The following DAB1 variants were observed in gnomAD, a reference collection of about 807,000 sequenced individuals.
The protein encoded by DAB1 is disabled homolog 1.
Under a neutral mutation model 64.6 loss-of-function variants are expected in DAB1, and 15 were observed. The observed-to-expected ratio is 0.23, with a 90% CI of 0.16 to 0.36. The LOEUF is 0.36. Among genes scored for constraint, DAB1 ranks in the 10% least tolerant of loss-of-function variants. The pLI, the probability that DAB1 is intolerant of heterozygous loss-of-function variation, is 1.00. For synonymous variants in DAB1, 235 were observed against 251.9 expected (o/e 0.93, Z 0.64); for missense variants, 596 against 706.7 (o/e 0.84, Z 1.78).
At chr1:57,890,303 T>C (rs745636897) in intron 5 of DAB1, among the ~76,000 whole-genome samples, 6 of 152,114 alleles carry the variant, frequency 3.9e-5, no homozygotes, top group Non-Finnish European at 7.4e-5. Context: ...GGAACGTGCA[T>C]GTGGATAAAT....
At chr1:57,902,851 T>A (rs1177264651) in intron 5 of DAB1, among the ~76,000 whole-genome samples, 1 of 152,170 alleles carries the variant, frequency 6.6e-6, no homozygotes, top group African/African-American at 2.4e-5. Flanking sequence ...CAACTTTTAA[T>A]ACAATAATGT....
chr1:57,121,637 C>G (rs1203811212), intron 4 of DAB1, among the ~76,000 whole-genome samples: 1 of 152,084 alleles, frequency 6.6e-6, no homozygotes, highest in African/African-American at 2.4e-5. Flanking sequence ...TTTGCCTATG[C>G]CTATGTCCTG....
intron 3 of DAB1, among the ~76,000 whole-genome samples, chr1:58,373,085 C>T (rs1056447818): frequency 6.6e-6 from 1 of 151,770 alleles, no homozygotes; most frequent in African/African-American, 2.4e-5. Context: ...TTGTAGTTCT[C>T]CGTATTTCTA....
At chr1:57,893,312 G>A (rs914347651) in intron 5 of DAB1, among the ~76,000 whole-genome samples, 1 of 152,078 alleles carries the variant, frequency 6.6e-6, no homozygotes, top group Admixed American at 6.6e-5. Flanking sequence ...GTCAGAGGCT[G>A]GCTTTATTTT....
intron 5 of DAB1, among the ~76,000 whole-genome samples, chr1:58,005,238 GC>G (rs1482929989): frequency 1.3e-5 from 2 of 152,070 alleles, no homozygotes. Context: ...ATGCCCATGT[GC>G]TTTTAACCTG....
At chr1:57,692,448 G>A (rs1570742784) in intron 6 of DAB1, among the ~76,000 whole-genome samples, 4 of 152,164 alleles carry the variant, frequency 2.6e-5, no homozygotes, top group East Asian at 1.9e-4. Flanking sequence ...GAGACAGAAC[G>A]AGGAAGAGAT....
chr1:57,819,514 G>T (rs551747131), intron 6 of DAB1, among the ~76,000 whole-genome samples: 2 of 152,176 alleles, frequency 1.3e-5, no homozygotes, highest in Non-Finnish European at 2.9e-5. Flanking sequence ...AATGATAGTA[G>T]CTAGAGCTAA....
intron 2 of DAB1, among the ~76,000 whole-genome samples, chr1:57,147,456 C>T (rs189064569): frequency 1.3e-5 from 2 of 152,144 alleles, no homozygotes; most frequent in East Asian, 3.9e-4. Flanking sequence ...TTCCATGACA[C>T]CCCTGCTGAC....
At chr1:58,529,432 C>T (rs1646399476) in intron 1 of DAB1, among the ~76,000 whole-genome samples, 1 of 152,178 alleles carries the variant, frequency 6.6e-6, no homozygotes, top group African/African-American at 2.4e-5. Flanking sequence ...TTCAGTATTA[C>T]AGTGTTTTGG....
intron 7 of DAB1, among the ~76,000 whole-genome samples, chr1:57,612,460 G>T (rs1308311208): frequency 6.6e-6 from 1 of 152,112 alleles, no homozygotes; most frequent in Non-Finnish European, 1.5e-5. Flanking sequence ...AAAGGGAGAT[G>T]CAGGATCAGA....
intron 4 of DAB1, among the ~76,000 whole-genome samples, chr1:58,286,194 G>A (rs587336): frequency 0.95 from 144,223 of 152,268 alleles, 68,310 homozygotes; most frequent in East Asian, 0.98. Flanking sequence ...TCAATGTAAA[G>A]CCCAAAACTA....
intron 6 of DAB1, among the ~76,000 whole-genome samples, chr1:57,797,982 C>A (rs770104299): frequency 6.6e-5 from 10 of 152,136 alleles, no homozygotes; most frequent in Non-Finnish European, 1.3e-4. Context: ...GTGGTTAAAA[C>A]CTTTATGGGG....
rs571242411 is a variant in DAB1, at chr1:58,092,089, C to G, written n.387+58422G>C. On this transcript the variant is annotated intron_variant and non_coding_transcript_variant, in intron 5 of 20. Coordinates refer to the DAB1 transcript ENST00000485760. The stretch of plus-strand genomic sequence containing the variant: ...CGATGGCTCACACCTGTAATGCCAG[C>G]ACTTTGGGTGGCGCAGGCGGGTGGA... Among the ~76,000 whole-genome samples the G allele has an allele frequency of 4.6e-5, 7 of 152,146 alleles. No homozygotes were observed. In the South Asian group the frequency reaches 1.5e-3, roughly 32 times the overall value.
chr1:57,699,874 C>G (rs1313386889), intron 6 of DAB1, among the ~76,000 whole-genome samples: 1 of 152,118 alleles, frequency 6.6e-6, no homozygotes, highest in South Asian at 2.1e-4. Flanking sequence ...GATCACACCA[C>G]TACACTCCAG....
At chr1:57,455,689 C>G (rs1232644010) in intron 7 of DAB1, among the ~76,000 whole-genome samples, 1 of 152,032 alleles carries the variant, frequency 6.6e-6, no homozygotes, top group Non-Finnish European at 1.5e-5. Context: ...GGTGCCGTAG[C>G]CAGCTAAATT....
chr1:58,510,396 C>T (rs992207514), intron 2 of DAB1, among the ~76,000 whole-genome samples: 1 of 151,966 alleles, frequency 6.6e-6, no homozygotes, highest in African/African-American at 2.4e-5. Context: ...TCAATAGATG[C>T]AGAAAAAGCA....
chr1:57,698,906 A>T (rs1389802402), intron 6 of DAB1, among the ~76,000 whole-genome samples: 1 of 152,196 alleles, frequency 6.6e-6, no homozygotes, highest in Non-Finnish European at 1.5e-5. Flanking sequence ...AACTACTGGC[A>T]TGCTTTCCAT....
intron 6 of DAB1, among the ~76,000 whole-genome samples, chr1:57,682,212 T>C (rs1272223667): frequency 1.3e-5 from 2 of 151,402 alleles, no homozygotes; most frequent in African/African-American, 4.9e-5. Flanking sequence ...CAAGAACATA[T>C]TGCAACCATT....
At chr1:57,710,010 G>C (rs1647009631) in intron 6 of DAB1, among the ~76,000 whole-genome samples, 1 of 151,978 alleles carries the variant, frequency 6.6e-6, no homozygotes, top group African/African-American at 2.4e-5. Context: ...AATGATTTGG[G>C]GGCTGCTTTT....
Sources: gnomAD v4.1 joint callset for allele counts (sites outside exome capture counted in the v4.1 genomes callset) on GRCh38, gnomAD v4.1.1 for gene constraint, MANE v1.5 for transcripts, NCBI Gene and HGNC (gene_info 2026-07-23, HGNC 2026-07-21) for gene names.